MTOR: variants seen among roughly 807,000 people sequenced by gnomAD.
MTOR encodes serine/threonine-protein kinase mTOR.
A neutral mutation model predicts 319.8 loss-of-function variants in MTOR; 70 were observed. The observed-to-expected ratio is 0.22, with a 90% confidence interval of 0.18 to 0.27. The LOEUF is 0.27. Among genes scored for constraint, MTOR ranks in the 10% least tolerant of loss-of-function variants. The probability of loss-of-function intolerance (pLI) is 1.00; values close to 1 mark genes in which losing one functional copy is unlikely to be tolerated. For missense variants in MTOR, 1,890 were observed against 3,274.4 expected, an observed-to-expected ratio of 0.58 and a Z score of 10.32; for synonymous variants, 1,183 against 1,211.4, an observed-to-expected ratio of 0.98 and a Z score of 0.49.
At chr1:11,190,047 G>A in intron 28 of MTOR, 1 of 1,457,734 alleles carries the variant, frequency 6.9e-7, no homozygotes, top group Non-Finnish European at 9.2e-7. Flanking sequence ...CACTACTGGG[G>A]CCTCTTTTGT....
rs1200336877 is a variant in MTOR at position 11,122,134 on chromosome 1, C to T, written c.6663-8G>A. Reference sequence around the variant, plus strand: ...ACAGCGTATCTCTGGATGCTGGCGCCCACAGAAAAGCAGGGTTAGTGTACC... The same window carrying T: ...ACAGCGTATCTCTGGATGCTGGCGCTCACAGAAAAGCAGGGTTAGTGTACC... On this transcript the variant is annotated splice_region_variant and splice_polypyrimidine_tract_variant and intron_variant, in intron 47 of 57. Transcript: ENST00000361445. 1.2e-6 allele frequency: 2 copies of T among 1,614,178 alleles called. No homozygotes were observed. Among genetic ancestry groups the T allele is most frequent in the East Asian group, 2.2e-5 (1 of 44,892 alleles).
intron 28 of MTOR, among the ~76,000 whole-genome samples, chr1:11,170,911 C>T (rs72871479): frequency 0.059 from 8,994 of 151,638 alleles, 424 homozygotes; most frequent in South Asian, 0.12. Context: ...AAGTGTTCTT[C>T]ACCTGAACCA....
chr1:11,166,344 C>A (rs1644642803), intron 29 of MTOR, among the ~76,000 whole-genome samples: 1 of 152,046 alleles, frequency 6.6e-6, no homozygotes, highest in South Asian at 2.1e-4. Context: ...TGCAATCTAC[C>A]CATCTAACAA....
intron 30 of MTOR, among the ~76,000 whole-genome samples, 179 bp from the exon 31 acceptor site, chr1:11,150,405 C>T (rs1043371801): frequency 2.0e-5 from 3 of 152,112 alleles, no homozygotes; most frequent in African/African-American, 4.8e-5. Flanking sequence ...TTCTATGACC[C>T]GGTGCTCGTA....
chr1:11,227,119 G>A (rs1360587772), intron 19 of MTOR, among the ~76,000 whole-genome samples: 2 of 151,200 alleles, frequency 1.3e-5, no homozygotes, highest in African/African-American at 4.9e-5. Flanking sequence ...CAAACATGGC[G>A]AAACCCTGTC....
chr1:11,207,045 CAT>C (rs1337898622), intron 25 of MTOR, among the ~76,000 whole-genome samples: 1 of 152,210 alleles, frequency 6.6e-6, no homozygotes, highest in Non-Finnish European at 1.5e-5. Context: ...ATTATCATCA[CAT>C]GATTATAAGG....
Position 11,233,471 on chromosome 1 carries a change from A to G in MTOR, c.2348T>C (p.Leu783Pro). ...GTTTGGATCAGGGTCTGGATCTTTCAGTTTCAAAATTAATGCCTAGAGAAA... is the reference window on the plus strand; with the variant it reads ...GTTTGGATCAGGGTCTGGATCTTTCGGTTTCAAAATTAATGCCTAGAGAAA... ...EPILKALILK[L>P]KDPDPDPNPG... The change falls in exon 15 of 58, where the codon CTG (leucine) becomes CCG (proline). Residue 783 changes from leucine (L) to proline (P), a missense_variant. Transcript: ENST00000361445. 6.2e-7 allele frequency: 1 copy of G among 1,614,028 alleles called. No homozygotes were observed. Among genetic ancestry groups the G allele is most frequent in the Non-Finnish European group, 8.5e-7 (1 of 1,179,902 alleles).
rs1390244033 is a variant in MTOR at position 11,210,738 on chromosome 1, C to A, written c.3654+76G>T. On this transcript the variant is annotated intron_variant, in intron 24 of 57. Transcript: ENST00000361445. ...TTACAGCCAAAAAGCTACACAAACT[C>A]CCATAGCCAAGATTACAAGAATATC... 2.5e-6 allele frequency: 3 copies of A among 1,181,926 alleles called. No homozygotes were observed. The Admixed American group carries it at 6.5e-5, about 26-fold the overall frequency. 73.2% of individuals were successfully genotyped at this position (1,181,926 alleles called of 1,614,324 possible).
In MTOR at chr1:11,114,084, T is replaced by G. The variant is rs144830206; in HGVS notation, c.7300+234A>C. The stretch of plus-strand genomic sequence containing the variant: ...CAGCCAAGCAGAACTGTGAGTCAAT[T>G]AAACCTCTTTCCTTTATAAATTACC... On this transcript the variant is annotated intron_variant, in intron 53 of 57. Transcript: ENST00000361445. 7.8e-3 allele frequency among the ~76,000 whole-genome samples: 1,192 copies of G among 152,274 alleles called. 23 individuals are homozygous for G. Among genetic ancestry groups the G allele is most frequent in the African/African-American group, 0.027 (1,126 of 41,552 alleles).
Position 11,109,174 on chromosome 1 carries a change from C to T in MTOR, c.7528+116G>A. ...TGACCTCAAAGACACTCTTTGTCAG[C>T]TGCATGGTGCCAAAGCTCGTCACTA... On this transcript the variant is annotated intron_variant, in intron 56 of 57. Coordinates refer to ENST00000361445, the MANE Select transcript of MTOR (RefSeq NM_004958.4). The surrounding 1 kb of genome is among the most constrained non-coding windows in gnomAD (Gnocchi z 4.0). The T allele has an allele frequency of 1.2e-6, 1 of 821,036 alleles. No individual in the cohort carries two copies. The highest frequency in any genetic ancestry group is 2.0e-6 in the Non-Finnish European group (1 of 503,138). 50.9% of individuals were successfully genotyped at this position (821,036 alleles called of 1,614,324 possible).
intron 29 of MTOR, among the ~76,000 whole-genome samples, chr1:11,159,608 T>A (rs1644412925): frequency 6.6e-6 from 1 of 150,426 alleles, no homozygotes; most frequent in Non-Finnish European, 1.5e-5. Context: ...GCCATTGCAC[T>A]CCAGCCTGGG....
rs201069011 is a variant in MTOR, at chr1:11,234,130, C to T, written c.2331+13G>A. On this transcript the variant is annotated intron_variant, in intron 14 of 57. Transcript: ENST00000361445. ...ACGCACAGAGAAAGCACCAGCCTCT[C>T]GGTTTGTGTTACCTTCAGAATAGGC... 41 of 1,614,088 alleles carry T rather than the reference C, an allele frequency of 2.5e-5. No homozygotes were observed. In the East Asian group the frequency reaches 6.0e-4, roughly 24 times the overall value.
At chr1:11,209,084 C>A (rs566115780) in intron 25 of MTOR, among the ~76,000 whole-genome samples, 8 of 152,184 alleles carry the variant, frequency 5.3e-5, no homozygotes, top group Non-Finnish European at 8.8e-5. Flanking sequence ...CATCCATATT[C>A]CAAGGGAGCA....
In MTOR at chr1:11,124,593, A is replaced by G. The variant is rs554310588; in HGVS notation, c.6567T>C (p.His2189=). ...CACGCTCATCCTGGCGCAGATCTTC[A>G]TGGCCTTTTAGAAGGAAAACAAACT... ...GHEFVFLLKG[H]EDLRQDERVM... is the part of the protein sequence containing the mutation. Residue 2189 remains histidine, a synonymous_variant, in exon 47 of 58, where the codon CAT becomes CAC. Transcript: ENST00000361445. 1.1e-5 allele frequency: 18 copies of G among 1,612,098 alleles called. No individual in the cohort carries two copies. The African/African-American group carries it at 1.6e-4, about 14-fold the overall frequency.
chr1:11,178,629 C>A (rs1245054509), intron 28 of MTOR, among the ~76,000 whole-genome samples: 3 of 152,194 alleles, frequency 2.0e-5, no homozygotes, highest in Non-Finnish European at 4.4e-5. Context: ...TTCTTCTCCC[C>A]CTTTCTGCTT....
intron 19 of MTOR, among the ~76,000 whole-genome samples, chr1:11,221,826 G>C (rs1165302297): frequency 6.7e-6 from 1 of 149,474 alleles, no homozygotes; most frequent in Admixed American, 6.7e-5. Flanking sequence ...AAACACACAA[G>C]TAGTAAAGTA....
chr1:11,128,733 C>A lies in MTOR; in HGVS notation c.5811+122G>T. 1 of 1,031,080 alleles carries A rather than the reference C, an allele frequency of 9.7e-7. No homozygotes were observed. The highest frequency in any genetic ancestry group is 2.2e-5 in the Admixed American group (1 of 46,040). The allele number at this position is 1,031,080 out of a possible 1,614,324, so 63.9% of individuals were successfully genotyped here. A position where few individuals can be genotyped will look rare whatever the true frequency, so the allele number is the denominator to read the frequency against. On this transcript the variant is annotated intron_variant, in intron 41 of 57. Coordinates refer to ENST00000361445, the MANE Select transcript of MTOR (RefSeq NM_004958.4). The surrounding 1 kb of genome is among the most constrained non-coding windows in gnomAD (Gnocchi z 5.3). The stretch of plus-strand genomic sequence containing the variant: ...GGACACTTGACACTGGGACCGAGCC[C>A]TACTTCCTTAGCACTGTATTAACAC...
chr1:11,116,100 C>T (rs1037790371), intron 50 of MTOR, among the ~76,000 whole-genome samples: 5 of 152,204 alleles, frequency 3.3e-5, no homozygotes, highest in African/African-American at 1.2e-4. Flanking sequence ...AAACAGTAGA[C>T]ATCAGAGAAC....
Position 11,247,615 on chromosome 1 carries a change from A to C in MTOR, c.1225+10T>G, listed in dbSNP as rs1649025192. The C allele has an allele frequency of 6.2e-7, 1 of 1,612,500 alleles. No homozygotes were observed. The highest frequency in any genetic ancestry group is 8.5e-7 in the Non-Finnish European group (1 of 1,178,758). On this transcript the variant is annotated intron_variant, in intron 8 of 57. Transcript: ENST00000361445. ...AGATGGGTAATGATGTCTTCCATGG[A>C]CATCCTCACCTGTGAAGGCAGAAGG...
Sources: allele counts gnomAD v4.1 joint callset (sites outside exome capture counted in the v4.1 genomes callset), GRCh38; gene constraint gnomAD v4.1.1; non-coding constraint Gnocchi (gnomAD v3.1); transcripts MANE v1.5; gene names NCBI Gene and HGNC (gene_info 2026-07-23, HGNC 2026-07-21).